UMOD: variants seen among roughly 807,000 people sequenced by gnomAD.
UMOD encodes Tamm-Horsfall urinary glycoprotein.
A neutral mutation model predicts 66.0 loss-of-function variants in UMOD; 64 were observed. The ratio of observed to expected loss-of-function variants is 0.97; its 90% CI spans 0.79 to 1.19. The LOEUF (loss-of-function observed/expected upper bound fraction) is 1.19, where lower values mean the gene tolerates loss of function less well. Ranked by LOEUF, UMOD falls within the 50% of genes most tolerant of loss-of-function variation. The probability of loss-of-function intolerance (pLI) is 0.00; values close to 1 mark genes in which losing one functional copy is unlikely to be tolerated. For synonymous variants in UMOD, 398 were observed against 352.7 expected, an observed-to-expected ratio of 1.13 and a Z score of -1.44; for missense variants, 764 against 850.9, an observed-to-expected ratio of 0.90 and a Z score of 1.27.
In UMOD at chr16:20,352,556, C is replaced by G. The variant is rs1160317113; in HGVS notation, c.-103+133G>C. The stretch of plus-strand genomic sequence containing the variant: ...AACTAACTTACTAAAGATCATGAAG[C>G]CAATAATTGGCAGAATAATGACTCA... On this transcript the variant is annotated intron_variant, in intron 1 of 10. Transcript: ENST00000396138. 11 of 549,548 alleles carry G rather than the reference C, an allele frequency of 2.0e-5. No individual in the cohort carries two copies. In the East Asian group the frequency reaches 3.8e-4, roughly 19 times the overall value. 34.0% of individuals were successfully genotyped at this position (549,548 alleles called of 1,614,324 possible). A position where few individuals can be genotyped will look rare whatever the true frequency, so the allele number is the denominator to read the frequency against.
At chr16:20,345,767 A>T (rs965793614) in intron 5 of UMOD, among the ~76,000 whole-genome samples, 15 of 151,976 alleles carry the variant, frequency 9.9e-5, no homozygotes, top group African/African-American at 3.6e-4. Flanking sequence ...AGACAAATAG[A>T]CTAGTTTCTG....
intron 7 of UMOD, among the ~76,000 whole-genome samples, chr16:20,340,220 T>C (rs896025027): frequency 1.3e-5 from 2 of 152,058 alleles, no homozygotes; most frequent in Admixed American, 1.3e-4. Context: ...TTAAAAACAT[T>C]TGCTAGCTGT....
chr16:20,343,185 C>G (rs1028134039), intron 6 of UMOD, among the ~76,000 whole-genome samples: 5 of 138,032 alleles, frequency 3.6e-5, no homozygotes, highest in African/African-American at 1.3e-4. Flanking sequence ...CTTATTACAA[C>G]TATAATTTTC....
chr16:20,341,127 G>A lies in UMOD; in HGVS notation c.1541C>T (p.Ala514Val), dbSNP rs1299809822. The A allele has an allele frequency of 1.9e-6, 3 of 1,614,120 alleles. No individual in the cohort carries two copies. The highest frequency in any genetic ancestry group is 2.2e-5 in the East Asian group (1 of 44,878). The change falls in exon 7 of 11, where the codon GCC (alanine) becomes GTC (valine). Residue 514 changes from alanine (A) to valine (V), a missense_variant. Ala to Val is a moderately conservative substitution (Grantham distance 64). Transcript: ENST00000396138. ...GATGAAGTACTTCAGGGGGTCCGTG[G>A]CATTGCTACTGGGTGTGGCATAGCA... is the stretch of plus-strand genomic sequence containing the variant. ...TNCYATPSSN[A>V]TDPLKYFIIQ...
chr16:20,342,257 T>A (rs1392587520), intron 6 of UMOD, among the ~76,000 whole-genome samples: 1 of 152,032 alleles, frequency 6.6e-6, no homozygotes, highest in Non-Finnish European at 1.5e-5. Context: ...GAGACTGAGG[T>A]GGGAGGATTG....
At chr16:20,337,233 T>G (rs904922374) in intron 8 of UMOD, 58 bp downstream of exon 8, 3 of 1,599,608 alleles carry the variant, frequency 1.9e-6, no homozygotes, top group Non-Finnish European at 1.7e-6. Context: ...ATTTGTTTTC[T>G]TTGTGGCCAA....
At chr16:20,352,058 T>G (rs1340928382) in intron 1 of UMOD, among the ~76,000 whole-genome samples, 1 of 143,342 alleles carries the variant, frequency 7.0e-6, no homozygotes, top group Admixed American at 7.0e-5. Flanking sequence ...AAACATTTTA[T>G]GTCATGATCT....
In UMOD at chr16:20,344,186, TG is replaced by T. The variant is rs1567305545; in HGVS notation, c.1183-15del. ...GGTTTCATTCCTCTGTTGCAGGGAA[TG>T]GGGGTGGAGGGGGGGTGGGGATGAG... On this transcript the variant is annotated splice_polypyrimidine_tract_variant and intron_variant, in intron 5 of 10. Coordinates refer to ENST00000396138, the MANE Select transcript of UMOD (RefSeq NM_003361.4). 5 of 568,038 alleles carry T rather than the reference TG, an allele frequency of 8.8e-6. No individual in the cohort carries two copies. The African/African-American group carries it at 1.3e-4, about 14-fold the overall frequency. The allele number at this position is 568,038 out of a possible 1,614,324, so 35.2% of individuals were successfully genotyped here. A position where few individuals can be genotyped will look rare whatever the true frequency, so the allele number is the denominator to read the frequency against.
chr16:20,350,962 C>T, intron 1 of UMOD, 123 bp from the exon 2 acceptor site: 1 of 962,928 alleles, frequency 1.0e-6, no homozygotes. Flanking sequence ...TAAAAAATTG[C>T]ATAACACTGC....
rs893499671 is a variant in UMOD, at chr16:20,344,557, C to T, written c.1183-385G>A. Among the ~76,000 whole-genome samples, 19 of 148,158 alleles carry T rather than the reference C, an allele frequency of 1.3e-4. No homozygotes were observed. In the South Asian group the frequency reaches 2.6e-3, roughly 20 times the overall value. On this transcript the variant is annotated intron_variant, in intron 5 of 10. Transcript: ENST00000396138. The stretch of plus-strand genomic sequence containing the variant: ...GGCAGAGCTTGCAATGAGCCAAGAT[C>T]GTGCCACTGCACTTTAGCCTCGGCG...
At chr16:20,345,477 TCCTTCCCTCCCTCCCTCCCTCCCTC>T (rs1965514946) in intron 5 of UMOD, among the ~76,000 whole-genome samples, 1 of 58,314 alleles carries the variant, frequency 1.7e-5, no homozygotes, top group African/African-American at 9.1e-5. Flanking sequence ...CTTCCTTCCT[TCCTTCCCTCCCTCCCTCCCTCCCTC>T]CCTTCCTTCC....
At chr16:20,352,208 G>A (rs375769895) in intron 1 of UMOD, among the ~76,000 whole-genome samples, 12 of 152,198 alleles carry the variant, frequency 7.9e-5, no homozygotes, top group African/African-American at 2.9e-4. Context: ...TGAGAAAACA[G>A]GGGGACAAAG....
chr16:20,351,225 A>G (rs1214656651), intron 1 of UMOD: 1 of 235,108 alleles, frequency 4.3e-6, no homozygotes, highest in African/African-American at 2.2e-5. Flanking sequence ...ACATCTATTG[A>G]GTAGCTACAT....
Position 20,333,290 on chromosome 16 carries a change from G to C in UMOD, c.*24C>G, listed in dbSNP as rs774085495. 5.6e-6 allele frequency: 9 copies of C among 1,610,168 alleles called. No homozygotes were observed. The South Asian group carries it at 8.8e-5, about 16-fold the overall frequency. ...AGCAGGAGGTGAGATGGCAGCCATG[G>C]AGCACAGGGCTTTCCGCTGTCAGTC... On this transcript the variant is annotated 3_prime_UTR_variant, in exon 11 of 11. Coordinates refer to ENST00000396138, the MANE Select transcript of UMOD (RefSeq NM_003361.4).
chr16:20,356,083 C>A (rs1273679512), upstream of UMOD: 2 of 152,120 alleles, frequency 1.3e-5, no homozygotes, highest in Admixed American at 6.5e-5. Context: ...AAAAATTGAT[C>A]AAACAGAACA....
chr16:20,347,311 C>T (rs1183782158), intron 4 of UMOD, among the ~76,000 whole-genome samples: 3 of 152,214 alleles, frequency 2.0e-5, no homozygotes, highest in Non-Finnish European at 4.4e-5. Flanking sequence ...GCATGAGCCA[C>T]TGCGCCCGGC....
Position 20,348,481 on chromosome 16 carries a change from A to G in UMOD, c.820T>C (p.Tyr274His). The G allele has an allele frequency of 6.2e-7, 1 of 1,612,390 alleles. No homozygotes were observed. Among genetic ancestry groups the G allele is most frequent in the East Asian group, 2.2e-5 (1 of 44,878 alleles). Residue 274 changes from tyrosine to histidine, a missense_variant, in exon 3 of 11, where the codon TAC becomes CAC. Coordinates refer to ENST00000396138, the MANE Select transcript of UMOD (RefSeq NM_003361.4). ...VKACAGGYYV[Y>H]NLTAPPECHL... ...CACTCGGGGGGCGCTGTCAGGTTGT[A>G]GACGTAGTAGCCGCCGGCACAGGCC...
In UMOD at chr16:20,349,349, A is replaced by T. The variant is rs1051960884; in HGVS notation, c.89-137T>A. On this transcript the variant is annotated intron_variant, in intron 2 of 10. Coordinates refer to ENST00000396138, the MANE Select transcript of UMOD (RefSeq NM_003361.4). ...AGGGCTCCCTCCAAAACAAGGAAAG[A>T]AGCAAAGAAACAAAACTCCTCTGAT... The T allele has an allele frequency of 4.9e-5, 48 of 986,794 alleles. No individual in the cohort carries two copies. In the African/African-American group the frequency reaches 6.8e-4, roughly 14 times the overall value. 61.1% of individuals were successfully genotyped at this position (986,794 alleles called of 1,614,324 possible). A position where few individuals can be genotyped will look rare whatever the true frequency, so the allele number is the denominator to read the frequency against.
intron 1 of UMOD, among the ~76,000 whole-genome samples, chr16:20,351,650 A>G (rs1965898089): frequency 6.6e-6 from 1 of 152,184 alleles, no homozygotes; most frequent in South Asian, 2.1e-4. Context: ...CAGTTCAAAG[A>G]CATTCATGTG....
Sources: gnomAD v4.1 joint callset for allele counts (sites outside exome capture counted in the v4.1 genomes callset) on GRCh38, gnomAD v4.1.1 for gene constraint, MANE v1.5 for transcripts, NCBI Gene and HGNC (gene_info 2026-07-23, HGNC 2026-07-21) for gene names.